RNF8: variants seen among roughly 807,000 people sequenced by gnomAD.
RNF8 encodes ring finger protein 8.
A neutral mutation model predicts 59.3 loss-of-function variants in RNF8; 8 were observed. That is an observed-to-expected ratio of 0.13 (90% CI 0.08 to 0.24). The LOEUF (loss-of-function observed/expected upper bound fraction) is 0.24, where lower values mean the gene tolerates loss of function less well. Among genes scored for constraint, RNF8 ranks in the 10% least tolerant of loss-of-function variants. The pLI is 1.00. For synonymous variants in RNF8, 162 were observed against 200.0 expected (o/e 0.81, Z 1.60); for missense variants, 406 against 572.6 (o/e 0.71, Z 2.97).
intron 7 of RNF8, among the ~76,000 whole-genome samples, chr6:37,386,000 A>C (rs1482478986): frequency 6.6e-6 from 1 of 151,686 alleles, no homozygotes. Context: ...ACACCCAGCT[A>C]ATTTTTTGTA....
chr6:37,388,787 A>AG (rs1770610848), intron 7 of RNF8, among the ~76,000 whole-genome samples: 1 of 151,646 alleles, frequency 6.6e-6, no homozygotes, highest in Admixed American at 6.6e-5. Context: ...AAAAAAAAAA[A>AG]TTAGGCATGA....
At chr6:37,358,581 T>C (rs1769202501) in intron 1 of RNF8, among the ~76,000 whole-genome samples, 1 of 152,028 alleles carries the variant, frequency 6.6e-6, no homozygotes, top group Non-Finnish European at 1.5e-5. Flanking sequence ...GGTTATGGGT[T>C]GAGTAGTTGG....
chr6:37,376,095 A>G (rs983146422), intron 5 of RNF8, among the ~76,000 whole-genome samples: 2 of 152,228 alleles, frequency 1.3e-5, no homozygotes, highest in Non-Finnish European at 2.9e-5. Flanking sequence ...GCTGCAAAGA[A>G]CACAGCAACT....
chr6:37,380,754 C>T (rs1770225957), intron 6 of RNF8, among the ~76,000 whole-genome samples: 1 of 151,886 alleles, frequency 6.6e-6, no homozygotes, highest in South Asian at 2.1e-4. Context: ...GTGATTTTGT[C>T]TCACTGCAAC....
chr6:37,389,827 T>C (rs1386549161), intron 7 of RNF8, among the ~76,000 whole-genome samples: 1 of 152,154 alleles, frequency 6.6e-6, no homozygotes, highest in Non-Finnish European at 1.5e-5. Flanking sequence ...TACTTGGTTC[T>C]CTCTCTCCAA....
chr6:37,356,054 G>A (rs1769104946), intron 1 of RNF8, among the ~76,000 whole-genome samples: 1 of 152,164 alleles, frequency 6.6e-6, no homozygotes, highest in Non-Finnish European at 1.5e-5. Context: ...CAGTACTGCA[G>A]TCTTGGGCAG....
At chr6:37,366,081 T>C (rs890484712) in intron 2 of RNF8, among the ~76,000 whole-genome samples, 3 of 152,196 alleles carry the variant, frequency 2.0e-5, no homozygotes, top group African/African-American at 7.2e-5. Flanking sequence ...AATGGAAGGC[T>C]GCAACATATC....
At chr6:37,379,097 G>A (rs375518548) in intron 6 of RNF8, among the ~76,000 whole-genome samples, 3 of 152,218 alleles carry the variant, frequency 2.0e-5, no homozygotes, top group African/African-American at 7.2e-5. Flanking sequence ...GCTCACTGCA[G>A]CCTCCTCCTC....
In RNF8 at chr6:37,374,620, C is replaced by T. The variant is rs777398899; in HGVS notation, c.1039C>T (p.His347Tyr). 1.9e-6 allele frequency: 3 copies of T among 1,612,706 alleles called. No homozygotes were observed. Among genetic ancestry groups the T allele is most frequent in the Non-Finnish European group, 2.5e-6 (3 of 1,178,888 alleles). ...KQQLAQALQE[H>Y]WALMEELNRS... is the part of the protein sequence containing the mutation. ...GTATGTATCTGCTATGTTTTTGCAG[C>T]ATTGGGCTCTAATGGAAGAGCTAAA... The change falls in exon 5 of 8, where the codon CAT becomes TAT. Residue 347 changes from histidine (H) to tyrosine (Y), a missense_variant and splice_region_variant. This residue lies in a region of RNF8 where 285 missense variants were observed against 342.0 expected (regional missense o/e 0.83). Coordinates refer to ENST00000373479, the MANE Select transcript of RNF8 (RefSeq NM_003958.4).
intron 4 of RNF8, among the ~76,000 whole-genome samples, chr6:37,373,896 A>G (rs1244805785): frequency 6.6e-6 from 1 of 152,230 alleles, no homozygotes; most frequent in Non-Finnish European, 1.5e-5. Context: ...TTTAAAAAGA[A>G]TTTGAGGTGA....
intron 2 of RNF8, among the ~76,000 whole-genome samples, chr6:37,362,091 C>T (rs1397037515): frequency 6.6e-6 from 1 of 152,156 alleles, no homozygotes; most frequent in African/African-American, 2.4e-5. Context: ...GTTTTAAAGC[C>T]TCTGTAATAG....
chr6:37,379,018 T>C (rs1770141105), intron 6 of RNF8, among the ~76,000 whole-genome samples: 1 of 152,154 alleles, frequency 6.6e-6, no homozygotes, highest in East Asian at 1.9e-4. Context: ...TATTTATTTA[T>C]TTATTTGTTT....
At chr6:37,366,098 G>T (rs756841688) in intron 2 of RNF8, among the ~76,000 whole-genome samples, 4 of 152,186 alleles carry the variant, frequency 2.6e-5, no homozygotes, top group Non-Finnish European at 4.4e-5. Context: ...TATCGTGAAA[G>T]TTTGCCCCAG....
intron 2 of RNF8, among the ~76,000 whole-genome samples, chr6:37,367,341 C>T (rs1473075002): frequency 1.3e-5 from 2 of 152,174 alleles, no homozygotes; most frequent in Admixed American, 6.5e-5. Context: ...AGTCTGACTC[C>T]AGGATCTGTG....
intron 1 of RNF8, among the ~76,000 whole-genome samples, chr6:37,357,431 C>T (rs1034234847): frequency 5.9e-5 from 9 of 152,192 alleles, no homozygotes; most frequent in African/African-American, 2.2e-4. Context: ...TGTTTTGGTA[C>T]TGTTTTCCCC....
In RNF8 at chr6:37,368,365, A is replaced by G. The variant is rs1253429202; in HGVS notation, c.241-119A>G. On this transcript the variant is annotated intron_variant, in intron 2 of 7. Coordinates refer to ENST00000373479, the MANE Select transcript of RNF8 (RefSeq NM_003958.4). ...GGTCGTTTATGAATCTTTCTTTTCT[A>G]TTTGTTATCAAGAGTTTTCCTTCTG... is the stretch of plus-strand genomic sequence containing the variant. The G allele has an allele frequency of 5.6e-6, 9 of 1,606,278 alleles. No homozygotes were observed. The African/African-American group carries it at 8.0e-5, about 14-fold the overall frequency.
chr6:37,366,807 A>G (rs1769573156), intron 2 of RNF8, among the ~76,000 whole-genome samples: 1 of 152,180 alleles, frequency 6.6e-6, no homozygotes, highest in Non-Finnish European at 1.5e-5. Context: ...TATCCCCTGA[A>G]CTTAAGTCCT....
chr6:37,383,139 C>T (rs1288434161), intron 7 of RNF8, among the ~76,000 whole-genome samples: 1 of 152,194 alleles, frequency 6.6e-6, no homozygotes, highest in Non-Finnish European at 1.5e-5. Context: ...GGGGGCTACA[C>T]AGTAAAATGA....
intron 1 of RNF8, among the ~76,000 whole-genome samples, chr6:37,355,908 A>G (rs1052947678): frequency 6.6e-6 from 1 of 152,158 alleles, no homozygotes; most frequent in African/African-American, 2.4e-5. Flanking sequence ...TTTGTGCATA[A>G]CTATTAGTTA....
Sources: gnomAD v4.1 joint callset for allele counts (sites outside exome capture counted in the v4.1 genomes callset) on GRCh38, gnomAD v4.1.1 for gene constraint, gnomAD v4.1.1 regional missense constraint, MANE v1.5 for transcripts, NCBI Gene and HGNC (gene_info 2026-07-23, HGNC 2026-07-21) for gene names.